OSBPL3: variants seen among roughly 807,000 people sequenced by gnomAD.
OSBPL3 encodes the protein oxysterol-binding protein-related protein 3.
OSBPL3 carries 65 observed loss-of-function variants against 120.1 expected under a neutral mutation model. The observed-to-expected ratio is 0.54, with a 90% confidence interval of 0.44 to 0.67. The LOEUF (loss-of-function observed/expected upper bound fraction) is 0.67, where lower values mean the gene tolerates loss of function less well. Ranked by LOEUF, OSBPL3 falls within the 30% of genes least tolerant of loss-of-function variation. OSBPL3 has a pLI of 0.00. For missense variants in OSBPL3, 1,004 were observed against 1,082.1 expected (o/e 0.93, Z 1.01); for synonymous variants, 416 against 402.6 (o/e 1.03, Z -0.40).
At chr7:24,906,247 G>A (rs948743657) in intron 1 of OSBPL3, 3 of 273,472 alleles carry the variant, frequency 1.1e-5, no homozygotes, top group African/African-American at 4.5e-5. Flanking sequence ...CCAGGAGCAG[G>A]TCCCACTGGC....
chr7:24,849,091 T>C lies in OSBPL3; in HGVS notation c.1244A>G (p.Lys415Arg), dbSNP rs1298259413. ...CACCTCTGCCAGATTGTCACCCGAC[T>C]TGGCGACAGCGGGGGAGTCGAGGAG... ...SLLLDSPAVA[K>R]SGDNLAEENS... The change falls in exon 12 of 23, where the codon AAG becomes AGG. Residue 415 changes from lysine to arginine, a missense_variant. Around this residue, in one of 4 missense-constraint regions of OSBPL3, gnomAD observed 272 missense variants for 248.8 expected, o/e 1.09. Coordinates refer to ENST00000313367, the MANE Select transcript of OSBPL3 (RefSeq NM_015550.4). This position sits in a 1 kb window ranked among gnomAD's most constrained non-coding sequence, Gnocchi z 5.4. The C allele has an allele frequency of 4.3e-6, 7 of 1,613,600 alleles. No homozygotes were observed. Among genetic ancestry groups the C allele is most frequent in the East Asian group, 2.2e-5 (1 of 44,876 alleles).
At chr7:24,895,577 A>G (rs905004006) in intron 1 of OSBPL3, among the ~76,000 whole-genome samples, 1 of 152,164 alleles carries the variant, frequency 6.6e-6, no homozygotes, top group African/African-American at 2.4e-5. Context: ...CCCAAGACTA[A>G]GGTATCCCAG....
rs986571295 is a variant in OSBPL3, at chr7:24,833,933, AT to A, written c.1746+552del. Among the ~76,000 whole-genome samples the A allele has an allele frequency of 2.0e-5, 3 of 152,120 alleles. No individual in the cohort carries two copies. Among genetic ancestry groups the A allele is most frequent in the Non-Finnish European group, 2.9e-5 (2 of 67,984 alleles). The stretch of plus-strand genomic sequence containing the variant: ...GTAGGGAAGAGAAGGCTTTTCTACG[AT>A]TTTTTTTAAGTACTCTATAAAATAA... On this transcript the variant is annotated intron_variant, in intron 15 of 22. Transcript: ENST00000313367. This position sits in a 1 kb window ranked among gnomAD's most constrained non-coding sequence, Gnocchi z 4.4.
At chr7:24,861,901 G>C (rs925605431) in intron 9 of OSBPL3, 132 bp from the exon 10 acceptor site, 2 of 458,320 alleles carry the variant, frequency 4.4e-6, no homozygotes, top group Non-Finnish European at 7.3e-6. Context: ...TTTTTTTTTT[G>C]GGGGGGATGG....
rs1270124157 is a variant in OSBPL3 at position 24,913,780 on chromosome 7, T to C, written c.-149-21159A>G. ...TGAGCCACAGAGAAATTAAATATCT[T>C]ACTAAGGTAACAGGGTCAGTCAGTG... On this transcript the variant is annotated intron_variant, in intron 1 of 22. Transcript: ENST00000313367. The surrounding 1 kb of genome is among the most constrained non-coding windows in gnomAD (Gnocchi z 5.3). Among the ~76,000 whole-genome samples the C allele has an allele frequency of 6.6e-6, 1 of 152,174 alleles. No individual in the cohort carries two copies. The highest frequency in any genetic ancestry group is 6.5e-5 in the Admixed American group (1 of 15,274).
rs1816469819 is a variant in OSBPL3, at chr7:24,967,033, T to C, written c.-150+12853A>G. Among the ~76,000 whole-genome samples, 1 of 152,214 alleles carries C rather than the reference T, an allele frequency of 6.6e-6. No homozygotes were observed. The highest frequency in any genetic ancestry group is 2.4e-5 in the African/African-American group (1 of 41,458). ...GCAAATTCAGCTTAAGAGACTGAAT[T>C]TGCATGAGCCATCACAATGCCTGTT... On this transcript the variant is annotated intron_variant, in intron 1 of 22. Transcript: ENST00000313367. The surrounding 1 kb of genome is among the most constrained non-coding windows in gnomAD (Gnocchi z 5.6).
chr7:24,877,234 T>C lies in OSBPL3; in HGVS notation c.97-5165A>G, dbSNP rs1382967485. Among the ~76,000 whole-genome samples, 1 of 152,130 alleles carries C rather than the reference T, an allele frequency of 6.6e-6. No individual in the cohort carries two copies. The highest frequency in any genetic ancestry group is 1.9e-4 in the East Asian group (1 of 5,198). On this transcript the variant is annotated intron_variant, in intron 2 of 22. Coordinates refer to ENST00000313367, the MANE Select transcript of OSBPL3 (RefSeq NM_015550.4). The surrounding 1 kb of genome is among the most constrained non-coding windows in gnomAD (Gnocchi z 4.8). Reference sequence around the variant, plus strand: ...AGAGGAATAGTGGTGGGCCAAGACCTTGAGACAATTGGAAGGAGTTAAGAA... The same window carrying C: ...AGAGGAATAGTGGTGGGCCAAGACCCTGAGACAATTGGAAGGAGTTAAGAA...
rs543647768 is a variant in OSBPL3, at chr7:24,815,394, T to G, written c.2028-191A>C. On this transcript the variant is annotated intron_variant, in intron 18 of 22. Transcript: ENST00000313367. This position sits in a 1 kb window ranked among gnomAD's most constrained non-coding sequence, Gnocchi z 5.1. ...CTTCCACTCTCCAAGGAGGCATGCA[T>G]GCCACAGAGAATGACAGCATTCAGA... Among the ~76,000 whole-genome samples, 21 of 152,344 alleles carry G rather than the reference T, an allele frequency of 1.4e-4. No individual in the cohort carries two copies. Among genetic ancestry groups the G allele is most frequent in the Middle Eastern group, 6.8e-3 (2 of 294 alleles).
intron 1 of OSBPL3, among the ~76,000 whole-genome samples, chr7:24,923,778 G>T (rs969327623): frequency 6.6e-6 from 1 of 152,114 alleles, no homozygotes; most frequent in Non-Finnish European, 1.5e-5. Context: ...GATCTTCATG[G>T]GGCTCTGTCT....
chr7:24,800,076 A>G lies in OSBPL3; in HGVS notation c.*107T>C. The G allele has an allele frequency of 1.6e-6, 1 of 627,316 alleles. No individual in the cohort carries two copies. 38.9% of individuals were successfully genotyped at this position (627,316 alleles called of 1,614,324 possible). ...AGAGTTACAATGCTAAGCTAAGCAC[A>G]AGTGATCATCCTAGAGTATCTTTTA... On this transcript the variant is annotated 3_prime_UTR_variant, in exon 23 of 23. Transcript: ENST00000313367.
chr7:24,897,822 T>A (rs1174505492), intron 1 of OSBPL3, among the ~76,000 whole-genome samples: 2 of 152,228 alleles, frequency 1.3e-5, no homozygotes, highest in Non-Finnish European at 2.9e-5. Flanking sequence ...TCTGGTAGAT[T>A]GCAAAAAGTG....
At chr7:24,904,434 T>A (rs558514944) in intron 1 of OSBPL3, among the ~76,000 whole-genome samples, 5 of 152,290 alleles carry the variant, frequency 3.3e-5, no homozygotes, top group African/African-American at 1.2e-4. Context: ...AATGAAAATA[T>A]ACAGATTTTA....
Position 24,817,121 on chromosome 7 carries a change from T to A in OSBPL3, c.1949-433A>T, listed in dbSNP as rs1794571923. 6.6e-6 allele frequency among the ~76,000 whole-genome samples: 1 copy of A among 152,124 alleles called. No homozygotes were observed. Among genetic ancestry groups the A allele is most frequent in the African/African-American group, 2.4e-5 (1 of 41,430 alleles). On this transcript the variant is annotated intron_variant, in intron 17 of 22. Transcript: ENST00000313367. This position sits in a 1 kb window ranked among gnomAD's most constrained non-coding sequence, Gnocchi z 4.0. ...AGAGAAAAAGCAATTTAAGGCCAAA[T>A]AAATAGCTTGTCTGAGGGGACGGAA...
chr7:24,951,856 C>T lies in OSBPL3; in HGVS notation c.-150+28030G>A, dbSNP rs1231265973. Among the ~76,000 whole-genome samples, 6 of 152,300 alleles carry T rather than the reference C, an allele frequency of 3.9e-5. No homozygotes were observed. In the East Asian group the frequency reaches 7.7e-4, roughly 20 times the overall value. On this transcript the variant is annotated intron_variant, in intron 1 of 22. Coordinates refer to ENST00000313367, the MANE Select transcript of OSBPL3 (RefSeq NM_015550.4). ...ACCTGCTGCAGAAGCTCTCCAAAAT[C>T]ACAACACCCACGGTACATCTTTCAG...
intron 1 of OSBPL3, among the ~76,000 whole-genome samples, chr7:24,961,867 T>C (rs1815782632): frequency 1.3e-5 from 2 of 152,190 alleles, no homozygotes; most frequent in Non-Finnish European, 2.9e-5. Flanking sequence ...AATAAACAAA[T>C]GCATGGATAG....
At chr7:24,809,676 C>T in intron 20 of OSBPL3, 131 bp downstream of exon 20, 2 of 797,542 alleles carry the variant, frequency 2.5e-6, no homozygotes, top group East Asian at 2.7e-5. Flanking sequence ...GGGCCTACAC[C>T]TCTAACCTAG....
In OSBPL3 at chr7:24,813,109, C is replaced by T. The variant is rs542163466; in HGVS notation, c.2172+1950G>A. Among the ~76,000 whole-genome samples, 42 of 152,244 alleles carry T rather than the reference C, an allele frequency of 2.8e-4. No homozygotes were observed. The highest frequency in any genetic ancestry group is 5.0e-4 in the Non-Finnish European group (34 of 68,012). ...GCCCAGGCTGGTCTCAAATTTCAGG[C>T]CTCAAGTGAGCCTCCTGCTTCAGCC... On this transcript the variant is annotated intron_variant, in intron 19 of 22. Coordinates refer to ENST00000313367, the MANE Select transcript of OSBPL3 (RefSeq NM_015550.4). The surrounding 1 kb of genome is among the most constrained non-coding windows in gnomAD (Gnocchi z 4.5).
rs1806635520 is a variant in OSBPL3 at position 24,899,279 on chromosome 7, C to A, written c.-149-6658G>T. 6.6e-6 allele frequency among the ~76,000 whole-genome samples: 1 copy of A among 152,180 alleles called. No homozygotes were observed. The highest frequency in any genetic ancestry group is 1.5e-5 in the Non-Finnish European group (1 of 68,028). ...AAGGCAATGACAATCTTCCTGGCCT[C>A]AACCACACTGCAACTGTTAATACTG... On this transcript the variant is annotated intron_variant, in intron 1 of 22. Transcript: ENST00000313367. The surrounding 1 kb of genome is among the most constrained non-coding windows in gnomAD (Gnocchi z 4.0).
intron 1 of OSBPL3, among the ~76,000 whole-genome samples, chr7:24,941,898 T>A (rs1337805745): frequency 6.6e-6 from 1 of 152,162 alleles, no homozygotes; most frequent in African/African-American, 2.4e-5. Context: ...TCACTCACAT[T>A]TTACTCCACT....
Sources: gnomAD v4.1 joint callset for allele counts (sites outside exome capture counted in the v4.1 genomes callset) on GRCh38, gnomAD v4.1.1 for gene constraint, gnomAD v4.1.1 regional missense constraint, Gnocchi (gnomAD v3.1) non-coding constraint, MANE v1.5 for transcripts, NCBI Gene and HGNC (gene_info 2026-07-23, HGNC 2026-07-21) for gene names.